The following RASSF3 variants were observed in gnomAD, a reference collection of about 807,000 sequenced individuals.
RASSF3 encodes Ras association domain family member 3.
Under a neutral mutation model 19.9 loss-of-function variants are expected in RASSF3, and 19 were observed. That is an observed-to-expected ratio of 0.96 (90% CI 0.67 to 1.40). RASSF3 has a LOEUF of 1.40. Ranked by LOEUF, RASSF3 falls within the 40% of genes most tolerant of loss-of-function variation. The pLI, the probability that RASSF3 is intolerant of heterozygous loss-of-function variation, is 0.00. For missense variants in RASSF3, 306 were observed against 289.8 expected (o/e 1.06, Z -0.41); for synonymous variants, 110 against 104.2 (o/e 1.06, Z -0.34).
At chr12:64,661,498 CA>C (rs778101837) in intron 1 of RASSF3, among the ~76,000 whole-genome samples, 2 of 151,926 alleles carry the variant, frequency 1.3e-5, no homozygotes, top group East Asian at 3.9e-4. Context: ...AAAAGGGGCG[CA>C]GGGGGTTCTT....
At chr12:64,641,046 A>G (rs780329876) in intron 1 of RASSF3, among the ~76,000 whole-genome samples, 4 of 152,076 alleles carry the variant, frequency 2.6e-5, no homozygotes, top group South Asian at 4.1e-4. Flanking sequence ...ATTAAATAAG[A>G]TATACTTATT....
chr12:64,660,319 T>C (rs1006302028), intron 1 of RASSF3, among the ~76,000 whole-genome samples: 1 of 152,144 alleles, frequency 6.6e-6, no homozygotes, highest in Non-Finnish European at 1.5e-5. Context: ...GTGGTATTTC[T>C]TTTTACTTTC....
intron 2 of RASSF3, among the ~76,000 whole-genome samples, chr12:64,602,169 G>T (rs1372696411): frequency 6.6e-6 from 1 of 151,914 alleles, no homozygotes; most frequent in Non-Finnish European, 1.5e-5. Context: ...AGGTGTGGTG[G>T]CTCACGTCTA....
chr12:64,680,444 G>A (rs1873080440), intron 1 of RASSF3, among the ~76,000 whole-genome samples: 1 of 151,868 alleles, frequency 6.6e-6, no homozygotes, highest in Non-Finnish European at 1.5e-5. Flanking sequence ...GAGCCTGACT[G>A]CCCCACACTT....
downstream of RASSF3, among the ~76,000 whole-genome samples, chr12:64,542,344 C>T (rs1173399576): frequency 6.6e-6 from 1 of 152,040 alleles, no homozygotes; most frequent in African/African-American, 2.4e-5. Flanking sequence ...AAAAACAAAA[C>T]AAAAGAACCT....
intron 3 of RASSF3, among the ~76,000 whole-genome samples, chr12:64,691,140 G>A (rs981859359): frequency 3.9e-5 from 6 of 152,194 alleles, no homozygotes; most frequent in Non-Finnish European, 1.5e-5. Flanking sequence ...GGGATTACAG[G>A]CATGAGCCAC....
intron 2 of RASSF3, among the ~76,000 whole-genome samples, chr12:64,599,596 G>A (rs1485577134): frequency 1.3e-5 from 2 of 152,174 alleles, no homozygotes; most frequent in African/African-American, 4.8e-5. Flanking sequence ...GGCTGAGCCC[G>A]AAGGCTGTGT....
chr12:64,578,934 C>T (rs1481206463), intron 2 of RASSF3, among the ~76,000 whole-genome samples: 1 of 152,158 alleles, frequency 6.6e-6, no homozygotes, highest in Non-Finnish European at 1.5e-5. Context: ...CACCTGAGGT[C>T]AGGAGTTCCA....
At chr12:64,586,363 AC>A (rs1178433139) in intron 2 of RASSF3, among the ~76,000 whole-genome samples, 1 of 151,276 alleles carries the variant, frequency 6.6e-6, no homozygotes, top group Non-Finnish European at 1.5e-5. Context: ...GGTGGTATGC[AC>A]CCGTAGTCCC....
intron 2 of RASSF3, among the ~76,000 whole-genome samples, chr12:64,589,566 T>G (rs1396762832): frequency 6.6e-6 from 1 of 152,238 alleles, no homozygotes; most frequent in Non-Finnish European, 1.5e-5. Flanking sequence ...AGCTTGAGCA[T>G]AATTTTAAAG....
upstream of RASSF3, among the ~76,000 whole-genome samples, chr12:64,606,212 C>T (rs903354384): frequency 6.6e-6 from 1 of 152,176 alleles, no homozygotes; most frequent in African/African-American, 2.4e-5. Flanking sequence ...ATGCCTAAAG[C>T]AATCCCTGGC....
At chr12:64,580,856 G>A (rs908861985) in intron 2 of RASSF3, among the ~76,000 whole-genome samples, 2 of 152,074 alleles carry the variant, frequency 1.3e-5, no homozygotes, top group South Asian at 2.1e-4. Flanking sequence ...TACTAGATTA[G>A]AGTCCATCCT....
chr12:64,602,944 CA>C (rs1441557982), intron 2 of RASSF3, among the ~76,000 whole-genome samples: 5 of 151,754 alleles, frequency 3.3e-5, no homozygotes, highest in African/African-American at 1.2e-4. Context: ...ACTAAAAATA[CA>C]AAAATTAGCT....
At chr12:64,601,121 C>T (rs1227997919) in intron 2 of RASSF3, among the ~76,000 whole-genome samples, 2 of 151,872 alleles carry the variant, frequency 1.3e-5, no homozygotes, top group African/African-American at 4.8e-5. Flanking sequence ...GACCATGCCT[C>T]AATAAATAAA....
intron 2 of RASSF3, among the ~76,000 whole-genome samples, chr12:64,593,953 A>G (rs891169323): frequency 6.9e-6 from 1 of 145,224 alleles, no homozygotes; most frequent in South Asian, 2.3e-4. Flanking sequence ...CAGAAGTTGC[A>G]GTGAGCCTAG....
intron 1 of RASSF3, among the ~76,000 whole-genome samples, chr12:64,611,167 G>C (rs1269903542): frequency 6.6e-6 from 1 of 152,202 alleles, no homozygotes; most frequent in African/African-American, 2.4e-5. Flanking sequence ...CCCCAGAGTG[G>C]CTTGGGTCAA....
intron 4 of RASSF3, among the ~76,000 whole-genome samples, chr12:64,694,283 C>T (rs979738304): frequency 2.6e-5 from 4 of 151,782 alleles, no homozygotes; most frequent in Non-Finnish European, 5.9e-5. Context: ...GCTGTTCCAG[C>T]GATGCAGGAA....
Position 64,696,351 on chromosome 12 carries a change from A to G in RASSF3, c.*1439A>G, listed in dbSNP as rs895124118. 4 of 152,136 alleles carry G rather than the reference A, an allele frequency of 2.6e-5. No homozygotes were observed. The highest frequency in any genetic ancestry group is 5.9e-5 in the Non-Finnish European group (4 of 68,016). The allele number at this position is 152,136 out of a possible 1,614,324, so 9.4% of individuals were successfully genotyped here. ...TATTTTAACAAAAGTACATGTTATT[A>G]CCAACCAAAGAGATGCATGTGCAAT... On this transcript the variant is annotated 3_prime_UTR_variant, in exon 5 of 5. Transcript: ENST00000542104.
At chr12:64,637,555 G>C (rs1474545256) in intron 1 of RASSF3, among the ~76,000 whole-genome samples, 1 of 150,730 alleles carries the variant, frequency 6.6e-6, no homozygotes, top group African/African-American at 2.4e-5. Context: ...TCAGCCTCCC[G>C]AGTAGCTGGG....
Sources: allele counts gnomAD v4.1 joint callset (sites outside exome capture counted in the v4.1 genomes callset), GRCh38; gene constraint gnomAD v4.1.1; transcripts MANE v1.5; gene names NCBI Gene and HGNC (gene_info 2026-07-23, HGNC 2026-07-21).